The following TGFB3 variants were observed in gnomAD, a reference collection of about 807,000 sequenced individuals.
The protein encoded by TGFB3 is transforming growth factor beta-3 proprotein.
TGFB3 carries 5 observed loss-of-function variants against 40.1 expected under a neutral mutation model. The ratio of observed to expected loss-of-function variants is 0.12; its 90% CI spans 0.07 to 0.26. The LOEUF (loss-of-function observed/expected upper bound fraction) is 0.26. Among genes scored for constraint, TGFB3 ranks in the 10% least tolerant of loss-of-function variants. The pLI, the probability that TGFB3 is intolerant of heterozygous loss-of-function variation, is 1.00. For synonymous variants in TGFB3, 184 were observed against 205.6 expected, an observed-to-expected ratio of 0.89 and a Z score of 0.90; for missense variants, 373 against 530.1, an observed-to-expected ratio of 0.70 and a Z score of 2.91.
In TGFB3 at chr14:75,971,057, C is replaced by G. The variant is rs2035284401; in HGVS notation, c.646+69G>C. 2 of 1,602,808 alleles carry G rather than the reference C, an allele frequency of 1.2e-6. No homozygotes were observed. Among genetic ancestry groups the G allele is most frequent in the South Asian group, 1.1e-5 (1 of 90,456 alleles). On this transcript the variant is annotated intron_variant, in intron 3 of 6. Transcript: ENST00000238682. This position sits in a 1 kb window ranked among gnomAD's most constrained non-coding sequence, Gnocchi z 4.5. ...TGACTCCCTTAATTCTGTCCTCTTC[C>G]CTCCATTTCATGGAGGACTAAGGGA...
At chr14:75,977,735 A>G (rs1381966135) in intron 1 of TGFB3, among the ~76,000 whole-genome samples, 1 of 151,764 alleles carries the variant, frequency 6.6e-6, no homozygotes, top group Non-Finnish European at 1.5e-5. Context: ...CTGGGTTACT[A>G]AGATAATAAC....
chr14:75,965,566 C>A, intron 4 of TGFB3, 22 bp downstream of exon 4: 1 of 1,589,936 alleles, frequency 6.3e-7, no homozygotes, highest in Non-Finnish European at 8.6e-7. Flanking sequence ...ACCCATCCTA[C>A]CATACACATT....
rs1236313738 is a variant in TGFB3 at position 75,971,585 on chromosome 14, C to T, written c.486G>A (p.Lys162=). 1 of 1,614,220 alleles carries T rather than the reference C, an allele frequency of 6.2e-7. No individual in the cohort carries two copies. Among genetic ancestry groups the T allele is most frequent in the South Asian group, 1.1e-5 (1 of 91,088 alleles). The change falls in exon 2 of 7, where the codon AAG becomes AAA. Residue 162 remains lysine (K), a synonymous_variant. Coordinates refer to ENST00000238682, the MANE Select transcript of TGFB3 (RefSeq NM_003239.5). This position sits in a 1 kb window ranked among gnomAD's most constrained non-coding sequence, Gnocchi z 4.5. ...RVLRVPNPSS[K]RNEQRIELFQ... ...AGAGCTCGATCCTCTGCTCATTCCG[C>T]TTAGAGCTGGGGTTGGGCACCCGCA...
At chr14:75,964,616 G>C (rs2035200169) in intron 4 of TGFB3, among the ~76,000 whole-genome samples, 1 of 152,286 alleles carries the variant, frequency 6.6e-6, no homozygotes, top group East Asian at 1.9e-4. Flanking sequence ...AGTGGCTCGG[G>C]TCTCAGGAAG....
intron 1 of TGFB3, among the ~76,000 whole-genome samples, chr14:75,973,004 G>A (rs1028207109): frequency 1.3e-5 from 2 of 152,142 alleles, no homozygotes; most frequent in Non-Finnish European, 2.9e-5. Context: ...CACAAGATGT[G>A]GGCAGCGAAT....
chr14:75,980,398 A>C lies in TGFB3; in HGVS notation c.352+144T>G. On this transcript the variant is annotated intron_variant, in intron 1 of 6. Transcript: ENST00000238682. The surrounding 1 kb of genome is among the most constrained non-coding windows in gnomAD (Gnocchi z 4.3). ...CCACCCACCTCCCCAGCCCCAACGG[A>C]GGAGCATCGCACATCCTGAGCCTTG... The C allele has an allele frequency of 1.1e-6, 1 of 871,380 alleles. No homozygotes were observed. The highest frequency in any genetic ancestry group is 1.6e-5 in the African/African-American group (1 of 60,844). 54.0% of individuals were successfully genotyped at this position (871,380 alleles called of 1,614,324 possible).
chr14:75,968,462 A>T lies in TGFB3; in HGVS notation c.646+2664T>A, dbSNP rs572192906. Among the ~76,000 whole-genome samples, 3 of 152,344 alleles carry T rather than the reference A, an allele frequency of 2.0e-5. No homozygotes were observed. The South Asian group carries it at 6.2e-4, about 32-fold the overall frequency. ...GAAATTATCTTTTTGATGTCTCAGG[A>T]GGATGGAAATCATTCTCAATGCAAA... On this transcript the variant is annotated intron_variant, in intron 3 of 6. Transcript: ENST00000238682.
Position 75,980,730 on chromosome 14 carries a change from C to T in TGFB3, c.164G>A (p.Ser55Asn), listed in dbSNP as rs143229915. The change falls in exon 1 of 7, where the codon AGC becomes AAC. Residue 55 changes from serine to asparagine, a missense_variant. Ser to Asn is a conservative substitution (Grantham distance 46). Coordinates refer to ENST00000238682, the MANE Select transcript of TGFB3 (RefSeq NM_003239.5). This position sits in a 1 kb window ranked among gnomAD's most constrained non-coding sequence, Gnocchi z 4.3. Reference sequence around the variant, plus strand: ...GGTCATCACCGTTGGCTCAGGGGGGCTGGTGAGCCTGAGCTTGCTCAAGAT... The same window carrying T: ...GGTCATCACCGTTGGCTCAGGGGGGTTGGTGAGCCTGAGCTTGCTCAAGAT... ...GQILSKLRLTSPPEPTVMTHV... is the reference protein window; with the variant it reads ...GQILSKLRLTNPPEPTVMTHV... 1.9e-4 allele frequency: 310 copies of T among 1,614,200 alleles called. 1 individual carries two copies. The African/African-American group carries it at 3.4e-3, about 18-fold the overall frequency.
Position 75,980,641 on chromosome 14 carries a change from C to A in TGFB3, c.253G>T (p.Gly85Trp). 6.2e-7 allele frequency: 1 copy of A among 1,614,246 alleles called. No homozygotes were observed. The highest frequency in any genetic ancestry group is 8.5e-7 in the Non-Finnish European group (1 of 1,180,034). Reference protein sequence around the residue: ...STRELLEEMHGEREEGCTQEN... With the variant: ...STRELLEEMHWEREEGCTQEN... ...TGGGTGCAGCCTTCCTCCCTCTCCC[C>A]ATGCATCTCCTCCAGCAGCTCCCGG... is the stretch of plus-strand genomic sequence containing the variant. Residue 85 changes from glycine to tryptophan, a missense_variant, in exon 1 of 7, where the codon GGG (glycine) becomes TGG (tryptophan). Coordinates refer to ENST00000238682, the MANE Select transcript of TGFB3 (RefSeq NM_003239.5). This position sits in a 1 kb window ranked among gnomAD's most constrained non-coding sequence, Gnocchi z 4.3.
At position 75,980,081 on chromosome 14, in the gene TGFB3, A is replaced by C. The variant is rs1024211508; in HGVS notation, c.352+461T>G. On this transcript the variant is annotated intron_variant, in intron 1 of 6. Transcript: ENST00000238682. The surrounding 1 kb of genome is among the most constrained non-coding windows in gnomAD (Gnocchi z 4.3). ...TTCTTCCCAAGAACTGGAAAAACTGAAACGGAGACGTGTCACAATGAGTTG... is the reference window on the plus strand; with the variant it reads ...TTCTTCCCAAGAACTGGAAAAACTGCAACGGAGACGTGTCACAATGAGTTG... Among the ~76,000 whole-genome samples the C allele has an allele frequency of 6.6e-6, 1 of 152,222 alleles. No homozygotes were observed. Among genetic ancestry groups the C allele is most frequent in the Non-Finnish European group, 1.5e-5 (1 of 68,044 alleles).
chr14:75,980,691 T>C lies in TGFB3; in HGVS notation c.203A>G (p.Gln68Arg). 6.2e-7 allele frequency: 1 copy of C among 1,614,198 alleles called. No individual in the cohort carries two copies. The highest frequency in any genetic ancestry group is 1.1e-5 in the South Asian group (1 of 91,076). ...GGTGCTGTTGTAAAGGGCCAGGACCTGATAGGGGACGTGGGTCATCACCGT... is the reference window on the plus strand; with the variant it reads ...GGTGCTGTTGTAAAGGGCCAGGACCCGATAGGGGACGTGGGTCATCACCGT... Reference protein sequence around the residue: ...EPTVMTHVPYQVLALYNSTRE... With the variant: ...EPTVMTHVPYRVLALYNSTRE... Residue 68 changes from glutamine (Q) to arginine (R), a missense_variant, in exon 1 of 7, where the codon CAG becomes CGG. Physicochemically the swap from Gln to Arg is conservative, Grantham distance 43. Coordinates refer to ENST00000238682, the MANE Select transcript of TGFB3 (RefSeq NM_003239.5). The surrounding 1 kb of genome is among the most constrained non-coding windows in gnomAD (Gnocchi z 4.3).
Position 75,970,740 on chromosome 14 carries a change from C to T in TGFB3, c.646+386G>A, listed in dbSNP as rs4252329. 9.4e-3 allele frequency: 3,065 copies of T among 324,584 alleles called. 89 individuals are homozygous for T. Among genetic ancestry groups the T allele is most frequent in the African/African-American group, 0.06 (2,786 of 46,326 alleles). 20.1% of individuals were successfully genotyped at this position (324,584 alleles called of 1,614,324 possible). A position where few individuals can be genotyped will look rare whatever the true frequency, so the allele number is the denominator to read the frequency against. On this transcript the variant is annotated intron_variant, in intron 3 of 6. Coordinates refer to ENST00000238682, the MANE Select transcript of TGFB3 (RefSeq NM_003239.5). Reference sequence around the variant, plus strand: ...CTAGAACAAATCAAGCTTATTTCCACTTGAGGGCCTGGGCCTCCCTGTTGC... The same window carrying T: ...CTAGAACAAATCAAGCTTATTTCCATTTGAGGGCCTGGGCCTCCCTGTTGC...
chr14:75,959,777 GAA>G (rs565684186), intron 6 of TGFB3, among the ~76,000 whole-genome samples: 2 of 134,214 alleles, frequency 1.5e-5, no homozygotes, highest in African/African-American at 2.7e-5. Flanking sequence ...TCAAAAAAAA[GAA>G]AAAAAAAAAA....
At position 75,963,446 on chromosome 14, in the gene TGFB3, G is replaced by A. The variant is rs770911263; in HGVS notation, c.796C>T (p.Arg266Cys). The change falls in exon 5 of 7, where the codon CGC becomes TGC. Residue 266 changes from arginine to cysteine, a missense_variant. Arg to Cys is a radical substitution (Grantham distance 180). Transcript: ENST00000238682. The stretch of plus-strand genomic sequence containing the variant: ...TGGTGATCCTTCTGCTTCTTGAGGC[G>A]CCCCAGATCTCCACGGCCATGGTCA... ...EDDHGRGDLGRLKKQKDHHNP... is the reference protein window; with the variant it reads ...EDDHGRGDLGCLKKQKDHHNP... The A allele has an allele frequency of 8.1e-6, 13 of 1,611,536 alleles. No individual in the cohort carries two copies. The highest frequency in any genetic ancestry group is 4.5e-5 in the East Asian group (2 of 44,698).
chr14:75,967,059 T>A (rs772561697), intron 3 of TGFB3, among the ~76,000 whole-genome samples: 12 of 152,128 alleles, frequency 7.9e-5, no homozygotes, highest in Non-Finnish European at 1.5e-4. Flanking sequence ...CAACCTGGAG[T>A]CTTCCTGAAA....
intron 1 of TGFB3, among the ~76,000 whole-genome samples, chr14:75,973,077 C>A (rs2035312817): frequency 6.6e-6 from 1 of 152,248 alleles, no homozygotes; most frequent in South Asian, 2.1e-4. Flanking sequence ...TGCTCCTGTA[C>A]ACTTGACAGC....
rs555914229 is a variant in TGFB3, at chr14:75,979,912, A to G, written c.352+630T>C. 6.6e-6 allele frequency among the ~76,000 whole-genome samples: 1 copy of G among 152,242 alleles called. No individual in the cohort carries two copies. The highest frequency in any genetic ancestry group is 6.5e-5 in the Admixed American group (1 of 15,298). The stretch of plus-strand genomic sequence containing the variant: ...TACACGGCCCTGGGAACATTCGTGC[A>G]TACCCTCTTCCTTCCACACACACAG... On this transcript the variant is annotated intron_variant, in intron 1 of 6. Coordinates refer to ENST00000238682, the MANE Select transcript of TGFB3 (RefSeq NM_003239.5). This position sits in a 1 kb window ranked among gnomAD's most constrained non-coding sequence, Gnocchi z 4.8.
At chr14:75,974,779 A>AAAAAAG (rs571276425) in intron 1 of TGFB3, among the ~76,000 whole-genome samples, 1 of 148,334 alleles carries the variant, frequency 6.7e-6, no homozygotes, top group Non-Finnish European at 1.5e-5. Context: ...AAAAAAAAAA[A>AAAAAAG]AAGAAGAAGA....
Position 75,980,624 on chromosome 14 carries a change from G to A in TGFB3, c.270C>T (p.Gly90=). The change falls in exon 1 of 7, where the codon GGC becomes GGT. Residue 90 remains glycine (G), a synonymous_variant. Coordinates refer to ENST00000238682, the MANE Select transcript of TGFB3 (RefSeq NM_003239.5). This position sits in a 1 kb window ranked among gnomAD's most constrained non-coding sequence, Gnocchi z 4.3. ...CCGACTCGGTGTTTTCCTGGGTGCA[G>A]CCTTCCTCCCTCTCCCCATGCATCT... ...LEEMHGEREE[G]CTQENTESEY... is the part of the protein sequence containing the mutation. 1 of 1,614,238 alleles carries A rather than the reference G, an allele frequency of 6.2e-7. No homozygotes were observed. The highest frequency in any genetic ancestry group is 8.5e-7 in the Non-Finnish European group (1 of 1,180,044).
Sources: allele counts gnomAD v4.1 joint callset (sites outside exome capture counted in the v4.1 genomes callset), GRCh38; gene constraint gnomAD v4.1.1; non-coding constraint Gnocchi (gnomAD v3.1); transcripts MANE v1.5; gene names NCBI Gene and HGNC (gene_info 2026-07-23, HGNC 2026-07-21).